Variants in UBE2E1 observed in about 807,000 individuals in gnomAD.
UBE2E1 encodes the protein ubiquitin conjugating enzyme E2 E1, also known as ubiquitin-conjugating enzyme E2 E1.
In UBE2E1, 6 loss-of-function variants were observed where a neutral mutation model predicts 21.4. That is an observed-to-expected ratio of 0.28 (90% CI 0.15 to 0.55). The LOEUF is 0.55. Ranked by LOEUF, UBE2E1 falls within the 20% of genes least tolerant of loss-of-function variation. The pLI is 0.93. For missense variants in UBE2E1, 142 were observed against 236.5 expected, an observed-to-expected ratio of 0.60 and a Z score of 2.62; for synonymous variants, 87 against 82.7, an observed-to-expected ratio of 1.05 and a Z score of -0.28.
Position 23,860,332 on chromosome 3 carries a change from C to T in UBE2E1, c.204-27235C>T, listed in dbSNP as rs548850513. ...TTCGGCTAGACAAATCTTTAGCGCTCTGGTTTTACCTTTTTAGCAATGTTT... is the reference window on the plus strand; with the variant it reads ...TTCGGCTAGACAAATCTTTAGCGCTTTGGTTTTACCTTTTTAGCAATGTTT... On this transcript the variant is annotated intron_variant, in intron 3 of 5. Transcript: ENST00000306627. Among the ~76,000 whole-genome samples, 160 of 152,318 alleles carry T rather than the reference C, an allele frequency of 1.1e-3. 1 individual carries two copies. The highest frequency in any genetic ancestry group is 3.9e-3 in the Admixed American group (59 of 15,296).
At chr3:23,881,272 G>A (rs1036698281) in intron 3 of UBE2E1, among the ~76,000 whole-genome samples, 2 of 152,140 alleles carry the variant, frequency 1.3e-5, no homozygotes, top group Non-Finnish European at 1.5e-5. Context: ...CTTAAAATCT[G>A]TATCAGAGTA....
chr3:23,865,801 G>GT lies in UBE2E1; in HGVS notation c.204-21763dup, dbSNP rs1700643464. ...CTGCCGTCTGTTAACTTACAAGCCAGTTTCGTGCCTGACCAGTGGCCACCA... is the reference window on the plus strand; with the variant it reads ...CTGCCGTCTGTTAACTTACAAGCCAGTTTTCGTGCCTGACCAGTGGCCACCA... On this transcript the variant is annotated intron_variant, in intron 3 of 5. Coordinates refer to ENST00000306627, the MANE Select transcript of UBE2E1 (RefSeq NM_003341.5). Among the ~76,000 whole-genome samples the GT allele has an allele frequency of 2.0e-5, 3 of 152,210 alleles. No individual in the cohort carries two copies. In the South Asian group the frequency reaches 6.2e-4, roughly 32 times the overall value.
intron 3 of UBE2E1, among the ~76,000 whole-genome samples, chr3:23,871,910 C>A (rs1452777035): frequency 2.6e-5 from 4 of 151,452 alleles, no homozygotes; most frequent in Admixed American, 2.6e-4. Context: ...GGCAGAGGGG[C>A]TCCTCACGTC....
rs115518313 is a variant in UBE2E1, at chr3:23,824,678, A to G, written c.203+13168A>G. On this transcript the variant is annotated intron_variant, in intron 3 of 5. Coordinates refer to ENST00000306627, the MANE Select transcript of UBE2E1 (RefSeq NM_003341.5). ...CTGAAGATGCGTAGAAAGAAATGCT[A>G]TGTTGGATCTCAGTATACCTAATAA... is the stretch of plus-strand genomic sequence containing the variant. 2.9e-3 allele frequency among the ~76,000 whole-genome samples: 448 copies of G among 152,328 alleles called. 5 individuals carry two copies. The Middle Eastern group carries it at 0.041, about 14-fold the overall frequency.
intron 3 of UBE2E1, among the ~76,000 whole-genome samples, chr3:23,860,522 T>C (rs1177013286): frequency 6.6e-6 from 1 of 152,236 alleles, no homozygotes; most frequent in African/African-American, 2.4e-5. Context: ...GGCTATCCTA[T>C]GAGTTTATCT....
At chr3:23,857,326 A>C (rs1170048631) in intron 3 of UBE2E1, among the ~76,000 whole-genome samples, 1 of 152,174 alleles carries the variant, frequency 6.6e-6, no homozygotes, top group Non-Finnish European at 1.5e-5. Context: ...TAAAAGAGGA[A>C]TTAGGTAAAG....
rs1263469856 is a variant in UBE2E1, at chr3:23,836,005, T to C, written c.203+24495T>C. Among the ~76,000 whole-genome samples the C allele has an allele frequency of 6.6e-6, 1 of 152,358 alleles. No individual in the cohort carries two copies. The highest frequency in any genetic ancestry group is 1.9e-4 in the East Asian group (1 of 5,190). ...CTTTTCAGCTGCTGCTTTTATGATC[T>C]AGTTTATGGCACAGATAAGATATAT... On this transcript the variant is annotated intron_variant, in intron 3 of 5. Transcript: ENST00000306627. The surrounding 1 kb of genome is among the most constrained non-coding windows in gnomAD (Gnocchi z 4.1).
chr3:23,818,243 G>A (rs555915570), intron 3 of UBE2E1, among the ~76,000 whole-genome samples: 3 of 152,296 alleles, frequency 2.0e-5, no homozygotes, highest in South Asian at 2.1e-4. Context: ...TACTTGCTTC[G>A]TTGATCACAT....
rs752295288 is a variant in UBE2E1, at chr3:23,891,509, C to A, written c.*903C>A. Among the ~76,000 whole-genome samples the A allele has an allele frequency of 6.6e-6, 1 of 152,038 alleles. No individual in the cohort carries two copies. Among genetic ancestry groups the A allele is most frequent in the Non-Finnish European group, 1.5e-5 (1 of 68,016 alleles). On this transcript the variant is annotated 3_prime_UTR_variant, in exon 6 of 6. Transcript: ENST00000306627. ...TCCTAGAAAAGGTTAAATAATCTACCCCATTTAGGCTTCAAAGACGAACCC... is the reference window on the plus strand; with the variant it reads ...TCCTAGAAAAGGTTAAATAATCTACACCATTTAGGCTTCAAAGACGAACCC...
intron 3 of UBE2E1, among the ~76,000 whole-genome samples, chr3:23,885,740 G>A (rs1001651803): frequency 5.3e-5 from 8 of 152,198 alleles, no homozygotes; most frequent in Middle Eastern, 3.4e-3. Context: ...CATGCCTGTA[G>A]TCCCAGTTAC....
intron 3 of UBE2E1, among the ~76,000 whole-genome samples, chr3:23,868,187 A>G (rs964079373): frequency 7.2e-5 from 11 of 152,248 alleles, no homozygotes; most frequent in African/African-American, 1.9e-4. Flanking sequence ...TGCCTGGAGT[A>G]AGAATTATTG....
At chr3:23,817,384 T>C (rs1380216265) in intron 3 of UBE2E1, among the ~76,000 whole-genome samples, 2 of 138,468 alleles carry the variant, frequency 1.4e-5, no homozygotes, top group African/African-American at 2.8e-5. Flanking sequence ...ATTACGCCAC[T>C]GCACTCCAGC....
At chr3:23,849,771 G>C (rs1700283544) in intron 3 of UBE2E1, among the ~76,000 whole-genome samples, 1 of 152,080 alleles carries the variant, frequency 6.6e-6, no homozygotes, top group African/African-American at 2.4e-5. Flanking sequence ...TGGGAATTTG[G>C]GTTGGTTCCA....
chr3:23,856,126 A>G (rs7627709), intron 3 of UBE2E1, among the ~76,000 whole-genome samples: 114,717 of 152,004 alleles, frequency 0.75, 43,950 homozygotes, highest in African/African-American at 0.84. Context: ...TCCTGGGTTC[A>G]AGCAATTCTC....
intron 3 of UBE2E1, among the ~76,000 whole-genome samples, chr3:23,881,821 G>A (rs770717403): frequency 3.9e-5 from 6 of 152,216 alleles, no homozygotes; most frequent in East Asian, 1.9e-4. Flanking sequence ...TCTGATGTTC[G>A]GACGTGTTCA....
At chr3:23,818,743 G>A (rs1227795815) in intron 3 of UBE2E1, among the ~76,000 whole-genome samples, 1 of 152,154 alleles carries the variant, frequency 6.6e-6, no homozygotes, top group Non-Finnish European at 1.5e-5. Context: ...GAAAGTTTGG[G>A]TGATGTTAAA....
At chr3:23,881,312 T>C (rs772397614) in intron 3 of UBE2E1, among the ~76,000 whole-genome samples, 7 of 151,168 alleles carry the variant, frequency 4.6e-5, no homozygotes, top group Non-Finnish European at 7.4e-5. Flanking sequence ...GAAAAAACTA[T>C]GTTATCTTTT....
Position 23,842,195 on chromosome 3 carries a change from A to AGGGGGGGGG in UBE2E1, c.203+30689_203+30690insGGGGGGGGG, listed in dbSNP as rs35613446. 2.5e-5 allele frequency among the ~76,000 whole-genome samples: 1 copy of AGGGGGGGGG among 39,376 alleles called. No homozygotes were observed. Among genetic ancestry groups the AGGGGGGGGG allele is most frequent in the African/African-American group, 7.4e-5 (1 of 13,522 alleles). 25.8% of individuals were successfully genotyped at this position (39,376 alleles called of 152,430 possible). ...AACTATGTCATGACCCAGTAAGTGA[A>AGGGGGGGGG]GGGGTGTGTGTGTGTGTGTGTGTGT... On this transcript the variant is annotated intron_variant, in intron 3 of 5. Transcript: ENST00000306627. The surrounding 1 kb of genome is among the most constrained non-coding windows in gnomAD (Gnocchi z 4.6).
intron 3 of UBE2E1, among the ~76,000 whole-genome samples, chr3:23,819,493 A>C (rs1699599881): frequency 6.6e-6 from 1 of 152,102 alleles, no homozygotes. Flanking sequence ...TAGAACTGAA[A>C]AGAAGCAGCA....
Sources: gnomAD v4.1 joint callset for allele counts (sites outside exome capture counted in the v4.1 genomes callset) on GRCh38, gnomAD v4.1.1 for gene constraint, Gnocchi (gnomAD v3.1) non-coding constraint, MANE v1.5 for transcripts, NCBI Gene and HGNC (gene_info 2026-07-23, HGNC 2026-07-21) for gene names.